The following CISD2 variants were observed in gnomAD, a reference collection of about 807,000 sequenced individuals.
The protein encoded by CISD2 is CDGSH iron sulfur domain 2.
Under a neutral mutation model 12.9 loss-of-function variants are expected in CISD2, and 1 was observed. The ratio of observed to expected loss-of-function variants is 0.08; its 90% CI spans 0.03 to 0.37. CISD2 has a LOEUF of 0.37. CISD2 is among the 10% of genes least tolerant of loss of function. The pLI, the probability that CISD2 is intolerant of heterozygous loss-of-function variation, is 0.99. For synonymous variants in CISD2, 50 were observed against 60.6 expected (o/e 0.83, Z 0.81); for missense variants, 97 against 163.1 (o/e 0.59, Z 2.21).
rs773366048 is a variant in CISD2 at position 102,869,073 on chromosome 4, C to T, written c.-12C>T. ...AGGGGGCTCGGGAGAGGAGTGGACG[C>T]CGCTGGCCAGGATGGTGCTGGAGAG... is the stretch of plus-strand genomic sequence containing the variant. On this transcript the variant is annotated 5_prime_UTR_variant, in exon 1 of 3. Coordinates refer to ENST00000273986, the MANE Select transcript of CISD2 (RefSeq NM_001008388.5). 1.9e-6 allele frequency: 3 copies of T among 1,604,304 alleles called. No homozygotes were observed. The highest frequency in any genetic ancestry group is 1.1e-5 in the South Asian group (1 of 89,178).
chr4:102,883,430 T>G (rs911863928), intron 1 of CISD2, among the ~76,000 whole-genome samples: 1 of 152,180 alleles, frequency 6.6e-6, no homozygotes, highest in African/African-American at 2.4e-5. Flanking sequence ...TTTTTCCCTT[T>G]CCTCTTTCTT....
In CISD2 at chr4:102,885,868, G is replaced by A. The variant is rs1358431954; in HGVS notation, c.318+438G>A. On this transcript the variant is annotated intron_variant, in intron 2 of 2. Coordinates refer to ENST00000273986, the MANE Select transcript of CISD2 (RefSeq NM_001008388.5). ...CATCCACATTACATATCTTTGAGAA[G>A]TGAGATGATATATGTAAACTGCTTT... 3.9e-5 allele frequency among the ~76,000 whole-genome samples: 6 copies of A among 152,148 alleles called. No individual in the cohort carries two copies. In the East Asian group the frequency reaches 1.2e-3, roughly 29 times the overall value.
In CISD2 at chr4:102,892,625, G is replaced by A. The variant is rs1230627366; in HGVS notation, c.*5195G>A. The A allele has an allele frequency of 6.6e-6, 1 of 152,140 alleles. No homozygotes were observed. The highest frequency in any genetic ancestry group is 6.5e-5 in the Admixed American group (1 of 15,276). The allele number at this position is 152,140 out of a possible 1,614,324, so 9.4% of individuals were successfully genotyped here. A position where few individuals can be genotyped will look rare whatever the true frequency, so the allele number is the denominator to read the frequency against. On this transcript the variant is annotated 3_prime_UTR_variant, in exon 3 of 3. Transcript: ENST00000273986. ...ACAACTATGGTGAGAAAGTATATTT[G>A]TGATACTGTTTTCTTAGAACACTGT...
In CISD2 at chr4:102,891,642, C is replaced by T. The variant is rs534761064; in HGVS notation, c.*4212C>T. 5.3e-5 allele frequency: 8 copies of T among 152,206 alleles called. No homozygotes were observed. The South Asian group carries it at 6.2e-4, about 12-fold the overall frequency. 9.4% of individuals were successfully genotyped at this position (152,206 alleles called of 1,614,324 possible). ...TATATGTAAAATATATTGACTTACTCGATGATTGGAGGCTTTATCACAGGA... is the reference window on the plus strand; with the variant it reads ...TATATGTAAAATATATTGACTTACTTGATGATTGGAGGCTTTATCACAGGA... On this transcript the variant is annotated 3_prime_UTR_variant, in exon 3 of 3. Coordinates refer to ENST00000273986, the MANE Select transcript of CISD2 (RefSeq NM_001008388.5).
chr4:102,877,099 C>G (rs1393234764), intron 1 of CISD2, among the ~76,000 whole-genome samples: 1 of 152,152 alleles, frequency 6.6e-6, no homozygotes. Flanking sequence ...CCTGGCTCCT[C>G]CCAAATTTCA....
At chr4:102,886,632 G>T (rs560574796) in intron 2 of CISD2, among the ~76,000 whole-genome samples, 2 of 151,540 alleles carry the variant, frequency 1.3e-5, no homozygotes, top group African/African-American at 4.8e-5. Flanking sequence ...TTATTTTTGC[G>T]GGGGACAGAG....
At chr4:102,885,104 A>C in intron 1 of CISD2, 112 bp from the exon 2 acceptor site, 1 of 865,770 alleles carries the variant, frequency 1.2e-6, no homozygotes, top group Non-Finnish European at 1.9e-6. Flanking sequence ...GATCCATTAA[A>C]AAGGAATTAA....
chr4:102,887,651 C>T lies in CISD2; in HGVS notation c.*221C>T, dbSNP rs1186315427. 2 of 373,348 alleles carry T rather than the reference C, an allele frequency of 5.4e-6. No individual in the cohort carries two copies. Among genetic ancestry groups the T allele is most frequent in the African/African-American group, 4.1e-5 (2 of 48,208 alleles). 23.1% of individuals were successfully genotyped at this position (373,348 alleles called of 1,614,324 possible). On this transcript the variant is annotated 3_prime_UTR_variant, in exon 3 of 3. Coordinates refer to ENST00000273986, the MANE Select transcript of CISD2 (RefSeq NM_001008388.5). The stretch of plus-strand genomic sequence containing the variant: ...TTAATGTATCTTCCAACAATAAAAT[C>T]ACTTCTGATTTTAATCTAGGAAAAC...
At chr4:102,880,446 A>G (rs1733688526) in intron 1 of CISD2, among the ~76,000 whole-genome samples, 1 of 152,222 alleles carries the variant, frequency 6.6e-6, no homozygotes, top group South Asian at 2.1e-4. Flanking sequence ...CATTTACCAA[A>G]TAAATACATA....
rs558451293 is a variant in CISD2, at chr4:102,882,237, G to A, written c.104-2979G>A. Among the ~76,000 whole-genome samples the A allele has an allele frequency of 7.9e-5, 12 of 152,076 alleles. No homozygotes were observed. In the South Asian group the frequency reaches 2.3e-3, roughly 29 times the overall value. On this transcript the variant is annotated intron_variant, in intron 1 of 2. Coordinates refer to ENST00000273986, the MANE Select transcript of CISD2 (RefSeq NM_001008388.5). ...TTCATCTTTGCGTTCCCATTCACTC[G>A]CTTTTTGATAAATTTAAGCTCTTAT...
At position 102,888,590 on chromosome 4, in the gene CISD2, CCTA is replaced by C. The variant is rs1453474869; in HGVS notation, c.*1164_*1166del. The C allele has an allele frequency of 6.6e-6, 1 of 152,252 alleles. No homozygotes were observed. The highest frequency in any genetic ancestry group is 6.5e-5 in the Admixed American group (1 of 15,284). 9.4% of individuals were successfully genotyped at this position (152,252 alleles called of 1,614,324 possible). On this transcript the variant is annotated 3_prime_UTR_variant, in exon 3 of 3. Transcript: ENST00000273986. Reference sequence around the variant, plus strand: ...CTTTAAAATTTTTGTGCTTTTTAATCCTACTATTATGAATCTTTTTAGTTTCAT... The same window carrying C: ...CTTTAAAATTTTTGTGCTTTTTAATCCTATTATGAATCTTTTTAGTTTCAT...
At position 102,885,155 on chromosome 4, in the gene CISD2, A is replaced by G. The variant is rs1733841613; in HGVS notation, c.104-61A>G. 4 of 1,279,198 alleles carry G rather than the reference A, an allele frequency of 3.1e-6. No homozygotes were observed. The South Asian group carries it at 3.6e-5, about 11-fold the overall frequency. 79.2% of individuals were successfully genotyped at this position (1,279,198 alleles called of 1,614,324 possible). On this transcript the variant is annotated intron_variant, in intron 1 of 2. Coordinates refer to ENST00000273986, the MANE Select transcript of CISD2 (RefSeq NM_001008388.5). ...AGAATAAGCTCAAGGATGAAACTAG[A>G]CATGCTATTTTGAATTCTTTTCCAA...
Position 102,869,107 on chromosome 4 carries a change from G to A in CISD2, c.23G>A (p.Arg8His), listed in dbSNP as rs1269911542. 2 of 1,612,346 alleles carry A rather than the reference G, an allele frequency of 1.2e-6. No homozygotes were observed. The highest frequency in any genetic ancestry group is 1.7e-6 in the Non-Finnish European group (2 of 1,179,348). Residue 8 changes from arginine to histidine, a missense_variant, in exon 1 of 3, where the codon CGT (arginine) becomes CAT (histidine). By Grantham distance (29) the Arg-to-His change is conservative (BLOSUM62 0). Around this residue, in one of 2 missense-constraint regions of CISD2, gnomAD observed 89 missense variants for 114.4 expected, o/e 0.78. Transcript: ENST00000273986. MVLESVA[R>H]IVKVQLPAYL... Reference sequence around the variant, plus strand: ...AGGATGGTGCTGGAGAGCGTGGCCCGTATCGTGAAGGTGCAGCTCCCTGCA... The same window carrying A: ...AGGATGGTGCTGGAGAGCGTGGCCCATATCGTGAAGGTGCAGCTCCCTGCA...
At chr4:102,885,162 A>C in intron 1 of CISD2, 54 bp from the exon 2 acceptor site, 1 of 1,367,084 alleles carries the variant, frequency 7.3e-7, no homozygotes, top group Non-Finnish European at 1.0e-6. Context: ...TAGACATGCT[A>C]TTTTGAATTC....
At chr4:102,869,443 T>G (rs1231620237) in intron 1 of CISD2, 1 of 704,394 alleles carries the variant, frequency 1.4e-6, no homozygotes, top group African/African-American at 1.7e-5. Context: ...GATACCAGGT[T>G]TTTGCAGAGA....
intron 1 of CISD2, among the ~76,000 whole-genome samples, chr4:102,878,399 G>C (rs1733638723): frequency 6.6e-6 from 1 of 152,146 alleles, no homozygotes; most frequent in Non-Finnish European, 1.5e-5. Flanking sequence ...AAAGTGCTAG[G>C]ATTACAGGCA....
At chr4:102,877,499 C>T (rs1733618240) in intron 1 of CISD2, among the ~76,000 whole-genome samples, 2 of 152,190 alleles carry the variant, frequency 1.3e-5, no homozygotes, top group Admixed American at 1.3e-4. Context: ...CAAGGGCTGG[C>T]ATCGAGTGCC....
At chr4:102,887,213 T>C in intron 2 of CISD2, 128 bp from the exon 3 acceptor site, 3 of 639,956 alleles carry the variant, frequency 4.7e-6, no homozygotes, top group Non-Finnish European at 8.6e-6. Context: ...AATGTAACTA[T>C]TACTCAGGAA....
rs1029705869 is a variant in CISD2 at position 102,888,292 on chromosome 4, G to A, written c.*862G>A. On this transcript the variant is annotated 3_prime_UTR_variant, in exon 3 of 3. Transcript: ENST00000273986. ...TAAAATACAGTCATCCCTTGTATAC[G>A]CTAGGGACTGGTTCCAGGGCCACAC... 1.1e-4 allele frequency: 16 copies of A among 151,918 alleles called. No homozygotes were observed. Among genetic ancestry groups the A allele is most frequent in the African/African-American group, 2.9e-4 (12 of 41,362 alleles). 9.4% of individuals were successfully genotyped at this position (151,918 alleles called of 1,614,324 possible). A position where few individuals can be genotyped will look rare whatever the true frequency, so the allele number is the denominator to read the frequency against.
Sources: gnomAD v4.1 joint callset for allele counts (sites outside exome capture counted in the v4.1 genomes callset) on GRCh38, gnomAD v4.1.1 for gene constraint, gnomAD v4.1.1 regional missense constraint, MANE v1.5 for transcripts, NCBI Gene and HGNC (gene_info 2026-07-23, HGNC 2026-07-21) for gene names.